SULF1: variants seen among roughly 807,000 people sequenced by gnomAD.
The protein encoded by SULF1 is extracellular sulfatase Sulf-1.
In SULF1, 46 loss-of-function variants were observed where a neutral mutation model predicts 110.5. The ratio of observed to expected loss-of-function variants is 0.42; its 90% confidence interval spans 0.33 to 0.53. The LOEUF (loss-of-function observed/expected upper bound fraction) is 0.53, where lower values mean the gene tolerates loss of function less well. Ranked by LOEUF, SULF1 falls within the 20% of genes least tolerant of loss-of-function variation. The pLI, the probability that SULF1 is intolerant of heterozygous loss-of-function variation, is 0.12. For synonymous variants in SULF1, 371 were observed against 387.1 expected, an observed-to-expected ratio of 0.96 and a Z score of 0.49; for missense variants, 941 against 1,094.2, an observed-to-expected ratio of 0.86 and a Z score of 1.98.
At chr8:69,531,201 C>T (rs1461088294) in intron 3 of SULF1, among the ~76,000 whole-genome samples, 1 of 152,200 alleles carries the variant, frequency 6.6e-6, no homozygotes, top group African/African-American at 2.4e-5. Context: ...CATGCCTGTG[C>T]TCTGTCTCCT....
At chr8:69,505,744 G>A (rs2583083) in intron 3 of SULF1, among the ~76,000 whole-genome samples, 32,259 of 151,874 alleles carry the variant, frequency 0.21, 4,040 homozygotes, top group East Asian at 0.63. Context: ...ACCTATATTT[G>A]GGGGTGCTAA....
At chr8:69,600,903 T>A (rs1315822029) in intron 9 of SULF1, 150 bp downstream of exon 9, 1 of 885,210 alleles carries the variant, frequency 1.1e-6, no homozygotes, top group Non-Finnish European at 1.7e-6. Context: ...GTTTAGTGGC[T>A]TAATCATCCC....
At chr8:69,508,108 TA>T (rs887012704) in intron 3 of SULF1, among the ~76,000 whole-genome samples, 7 of 130,504 alleles carry the variant, frequency 5.4e-5, no homozygotes, top group African/African-American at 1.4e-4. Flanking sequence ...AGATAATTAT[TA>T]TTTTTTTTTT....
rs1194691946 is a variant in SULF1, at chr8:69,621,197, A to T, written c.1540A>T (p.Ser514Cys). The T allele has an allele frequency of 1.9e-6, 3 of 1,614,110 alleles. No homozygotes were observed. The Admixed American group carries it at 5.0e-5, about 27-fold the overall frequency. Residue 514 changes from serine (S) to cysteine (C), a missense_variant, in exon 14 of 23, where the codon AGC becomes TGC. Ser to Cys is a moderately radical substitution (Grantham distance 112, BLOSUM62 -1). Coordinates refer to ENST00000402687, the MANE Select transcript of SULF1 (RefSeq NM_001128205.2). ...CSCRESGYRA[S>C]RSQRKSQRQF... is the part of the protein sequence containing the mutation. ...TTGTAGGGAGTCTGGTTACCGTGCC[A>T]GCAGAAGCCAAAGAAAGAGTCAACG... is the stretch of plus-strand genomic sequence containing the variant.
chr8:69,504,272 A>G (rs1811014452), intron 3 of SULF1, among the ~76,000 whole-genome samples: 1 of 151,464 alleles, frequency 6.6e-6, no homozygotes, highest in African/African-American at 2.4e-5. Flanking sequence ...ACAGTGGCTC[A>G]CGCCTATAGT....
intron 3 of SULF1, among the ~76,000 whole-genome samples, chr8:69,529,800 G>A (rs1673995360): frequency 6.6e-6 from 1 of 152,182 alleles, no homozygotes; most frequent in African/African-American, 2.4e-5. Flanking sequence ...CTGAGAGCAG[G>A]TGATCTGAGA....
intron 8 of SULF1, among the ~76,000 whole-genome samples, chr8:69,596,416 T>C (rs575899240): frequency 6.6e-6 from 1 of 152,138 alleles, no homozygotes; most frequent in Non-Finnish European, 1.5e-5. Flanking sequence ...TTATCTACCT[T>C]TTCATGGATG....
At chr8:69,602,198 T>G (rs1807879484) in intron 10 of SULF1, among the ~76,000 whole-genome samples, 1 of 152,222 alleles carries the variant, frequency 6.6e-6, no homozygotes, top group Admixed American at 6.5e-5. Context: ...GTGTTTAACT[T>G]TTAAAAATTA....
At chr8:69,557,682 A>T (rs1172378232) in intron 3 of SULF1, among the ~76,000 whole-genome samples, 2 of 152,204 alleles carry the variant, frequency 1.3e-5, no homozygotes. Flanking sequence ...GAATTAAGCC[A>T]AAAAATAAAA....
intron 2 of SULF1, among the ~76,000 whole-genome samples, chr8:69,496,296 G>T (rs1270276978): frequency 6.6e-6 from 1 of 152,178 alleles, no homozygotes; most frequent in Non-Finnish European, 1.5e-5. Context: ...GATTTAAAAA[G>T]CTATTTCCAC....
At chr8:69,478,526 C>T (rs1472582226) in intron 1 of SULF1, among the ~76,000 whole-genome samples, 1 of 152,136 alleles carries the variant, frequency 6.6e-6, no homozygotes, top group Non-Finnish European at 1.5e-5. Context: ...CGTGCTCACA[C>T]TGTTTTCTGG....
chr8:69,529,147 G>T (rs1050373140), intron 3 of SULF1, among the ~76,000 whole-genome samples: 2 of 152,180 alleles, frequency 1.3e-5, no homozygotes, highest in Non-Finnish European at 2.9e-5. Flanking sequence ...AGGTGTCACA[G>T]CTAGCAAAGG....
intron 11 of SULF1, 99 bp from the exon 12 acceptor site, chr8:69,603,501 G>C: frequency 7.6e-7 from 1 of 1,319,244 alleles, no homozygotes; most frequent in Non-Finnish European, 1.1e-6. Flanking sequence ...CTCATGGTCT[G>C]TGGGAAGTGA....
At chr8:69,650,029 T>G (rs1230481639) in intron 22 of SULF1, among the ~76,000 whole-genome samples, 2 of 120,014 alleles carry the variant, frequency 1.7e-5, no homozygotes, top group Admixed American at 1.1e-4. Context: ...ACGGTCTTGC[T>G]CTGTCACCCA....
chr8:69,527,423 A>G (rs1325679840), intron 3 of SULF1, among the ~76,000 whole-genome samples: 1 of 152,072 alleles, frequency 6.6e-6, no homozygotes, highest in Non-Finnish European at 1.5e-5. Flanking sequence ...TGACCAGTAG[A>G]GCCAGAGGAA....
chr8:69,543,785 GTGTTGGCAGT>G (rs547255464), intron 3 of SULF1, among the ~76,000 whole-genome samples: 53 of 152,240 alleles, frequency 3.5e-4, no homozygotes, highest in African/African-American at 1.2e-3. Flanking sequence ...GCATCACTCT[GTGTTGGCAGT>G]GGGCCACAAA....
chr8:69,636,214 A>G (rs1280803541), intron 19 of SULF1, among the ~76,000 whole-genome samples: 1 of 152,194 alleles, frequency 6.6e-6, no homozygotes, highest in African/African-American at 2.4e-5. Context: ...GCCACGAGAA[A>G]TAAGTTTGTT....
intron 13 of SULF1, among the ~76,000 whole-genome samples, chr8:69,612,502 C>T (rs952173909): frequency 3.2e-5 from 3 of 94,264 alleles, no homozygotes; most frequent in South Asian, 3.7e-4. Flanking sequence ...GCCACATTCA[C>T]GCCAACATCT....
At chr8:69,615,656 T>A (rs1364423215) in intron 13 of SULF1, among the ~76,000 whole-genome samples, 3 of 152,216 alleles carry the variant, frequency 2.0e-5, no homozygotes, top group Admixed American at 6.5e-5. Context: ...GTATATTTGA[T>A]TTCGTATGAT....
Sources: allele counts gnomAD v4.1 joint callset (sites outside exome capture counted in the v4.1 genomes callset), GRCh38; gene constraint gnomAD v4.1.1; transcripts MANE v1.5; gene names NCBI Gene and HGNC (gene_info 2026-07-23, HGNC 2026-07-21).